Variants in TFEB observed in about 807,000 individuals in gnomAD.
TFEB encodes the protein T-cell transcription factor EB.
A neutral mutation model predicts 48.0 loss-of-function variants in TFEB; 12 were observed. The observed-to-expected ratio is 0.25, with a 90% CI of 0.16 to 0.40. The LOEUF (loss-of-function observed/expected upper bound fraction) is 0.40, where lower values mean the gene tolerates loss of function less well. Among genes scored for constraint, TFEB ranks in the 10% least tolerant of loss-of-function variants. The pLI is 1.00. For missense variants in TFEB, 509 were observed against 640.3 expected, an observed-to-expected ratio of 0.79 and a Z score of 2.21; for synonymous variants, 244 against 261.4, an observed-to-expected ratio of 0.93 and a Z score of 0.64.
At chr6:41,692,979 C>T (rs932631497) in intron 1 of TFEB, among the ~76,000 whole-genome samples, 2 of 152,312 alleles carry the variant, frequency 1.3e-5, no homozygotes, top group Middle Eastern at 3.4e-3. Context: ...CATTAGTAAA[C>T]GGTCTCTGCT....
chr6:41,688,301 A>G (rs868124664), intron 4 of TFEB: 2 of 398,430 alleles, frequency 5.0e-6, no homozygotes, highest in Non-Finnish European at 9.1e-6. Flanking sequence ...CCCAGGCATT[A>G]TGGAAGCCCT....
chr6:41,709,915 T>C (rs1770407746), intron 1 of TFEB, among the ~76,000 whole-genome samples: 1 of 152,132 alleles, frequency 6.6e-6, no homozygotes, highest in Non-Finnish European at 1.5e-5. Context: ...GCCTCCCAAG[T>C]AGTTGAGACC....
chr6:41,723,444 C>T lies in TFEB; in HGVS notation c.-23+11906G>A, dbSNP rs56317951. On this transcript the variant is annotated intron_variant, in intron 1 of 8. Transcript: ENST00000373033. The surrounding 1 kb of genome is among the most constrained non-coding windows in gnomAD (Gnocchi z 6.0). ...ACATGCACACACTCACACACATGCA[C>T]GCGTGTGCTCTCATACCTTCGAGAG... 299 of 1,250,078 alleles carry T rather than the reference C, an allele frequency of 2.4e-4. 2 individuals carry two copies. In the African/African-American group the frequency reaches 4.0e-3, roughly 17 times the overall value. 77.4% of individuals were successfully genotyped at this position (1,250,078 alleles called of 1,614,324 possible). A position where few individuals can be genotyped will look rare whatever the true frequency, so the allele number is the denominator to read the frequency against.
intron 1 of TFEB, among the ~76,000 whole-genome samples, chr6:41,699,410 GCAGCCTAGTGGTAACCC>G (rs1403648903): frequency 6.6e-6 from 1 of 152,244 alleles, no homozygotes. Context: ...CTGGGGCAGA[GCAGCCTAGTGGTAACCC>G]CAGCTTCAGT....
At chr6:41,690,570 C>G in intron 3 of TFEB, 93 bp downstream of exon 3, 1 of 1,384,898 alleles carries the variant, frequency 7.2e-7, no homozygotes. Flanking sequence ...CTGAAGGCAC[C>G]CCTGCCTCTG....
chr6:41,704,058 G>A (rs897842428), intron 1 of TFEB, among the ~76,000 whole-genome samples: 11 of 152,092 alleles, frequency 7.2e-5, no homozygotes, highest in Admixed American at 7.2e-4. Flanking sequence ...AAGCAGGTGG[G>A]TGCAGGACAC....
intron 1 of TFEB, among the ~76,000 whole-genome samples, chr6:41,694,350 T>C (rs992769213): frequency 6.6e-6 from 1 of 152,124 alleles, no homozygotes; most frequent in African/African-American, 2.4e-5. Context: ...CATCAGTGGG[T>C]GTCAGTAGCC....
intron 1 of TFEB, among the ~76,000 whole-genome samples, chr6:41,708,707 G>A (rs557716188): frequency 1.3e-5 from 2 of 152,340 alleles, no homozygotes; most frequent in African/African-American, 4.8e-5. Flanking sequence ...TGGGCCCTGA[G>A]GAGGCAGTTA....
intron 4 of TFEB, among the ~76,000 whole-genome samples, chr6:41,688,525 C>G (rs921547656): frequency 1.3e-5 from 2 of 151,970 alleles, no homozygotes; most frequent in African/African-American, 4.8e-5. Context: ...ATCTGGATCC[C>G]CAGTACAGTG....
Position 41,723,520 on chromosome 6 carries a change from G to A in TFEB, c.-23+11830C>T, listed in dbSNP as rs552836430. 2,438 of 1,288,114 alleles carry A rather than the reference G, an allele frequency of 1.9e-3. 7 individuals are homozygous for A. Among genetic ancestry groups the A allele is most frequent in the Non-Finnish European group, 2.1e-3 (2,058 of 988,300 alleles). 79.8% of individuals were successfully genotyped at this position (1,288,114 alleles called of 1,614,324 possible). On this transcript the variant is annotated intron_variant, in intron 1 of 8. Transcript: ENST00000373033. This position sits in a 1 kb window ranked among gnomAD's most constrained non-coding sequence, Gnocchi z 6.0. Reference sequence around the variant, plus strand: ...GGAATGCTCAGCTCCTCCAGGGGCCGGAGCCCAGGGCCGCACCCCAGCCCC... The same window carrying A: ...GGAATGCTCAGCTCCTCCAGGGGCCAGAGCCCAGGGCCGCACCCCAGCCCC...
intron 1 of TFEB, among the ~76,000 whole-genome samples, chr6:41,729,094 G>A (rs1178173291): frequency 6.6e-6 from 1 of 151,978 alleles, no homozygotes; most frequent in Middle Eastern, 3.4e-3. Context: ...CCCACTCCCG[G>A]CCCCGCCTCG....
chr6:41,714,657 C>T (rs1770653881), intron 1 of TFEB, among the ~76,000 whole-genome samples: 1 of 152,222 alleles, frequency 6.6e-6, no homozygotes, highest in East Asian at 1.9e-4. Flanking sequence ...GACACTGCTT[C>T]TGAGACGGAC....
chr6:41,723,640 G>C lies in TFEB; in HGVS notation c.-23+11710C>G. ...GGAGAGGAAGTTGCACAATCCCCTG[G>C]GAGCTGCAAATGCGGCCGAGGATTA... On this transcript the variant is annotated intron_variant, in intron 1 of 8. Transcript: ENST00000373033. This position sits in a 1 kb window ranked among gnomAD's most constrained non-coding sequence, Gnocchi z 6.0. The C allele has an allele frequency of 1.1e-6, 1 of 938,446 alleles. No individual in the cohort carries two copies. The highest frequency in any genetic ancestry group is 1.6e-5 in the South Asian group (1 of 61,782). 58.1% of individuals were successfully genotyped at this position (938,446 alleles called of 1,614,324 possible). A position where few individuals can be genotyped will look rare whatever the true frequency, so the allele number is the denominator to read the frequency against.
At chr6:41,718,470 A>G (rs1770833581) in intron 1 of TFEB, among the ~76,000 whole-genome samples, 2 of 152,026 alleles carry the variant, frequency 1.3e-5, no homozygotes, top group African/African-American at 4.8e-5. Flanking sequence ...CAGTCTCCCA[A>G]AGTGTTGGTA....
intron 1 of TFEB, among the ~76,000 whole-genome samples, chr6:41,708,796 A>G (rs1457664964): frequency 6.6e-6 from 1 of 152,134 alleles, no homozygotes. Flanking sequence ...AAGCTAGCCC[A>G]CCCTACAGGG....
At chr6:41,689,970 G>C (rs145155175) in intron 3 of TFEB, among the ~76,000 whole-genome samples, 159 bp from the exon 4 acceptor site, 56 of 152,224 alleles carry the variant, frequency 3.7e-4, no homozygotes, top group African/African-American at 1.2e-3. Context: ...GAGATGAGCT[G>C]TCCAGGTCCC....
intron 1 of TFEB, among the ~76,000 whole-genome samples, chr6:41,705,044 T>C (rs946623312): frequency 7.2e-5 from 11 of 152,202 alleles, no homozygotes; most frequent in African/African-American, 1.9e-4. Context: ...AAACACCACC[T>C]CTCACACATA....
chr6:41,694,494 G>T (rs759032103), intron 1 of TFEB, among the ~76,000 whole-genome samples: 9 of 152,036 alleles, frequency 5.9e-5, no homozygotes, highest in African/African-American at 1.9e-4. Context: ...CGCCAGCCTG[G>T]GTTGCTGAGT....
chr6:41,685,663 C>A (rs1768961546), intron 8 of TFEB, among the ~76,000 whole-genome samples: 1 of 152,186 alleles, frequency 6.6e-6, no homozygotes, highest in African/African-American at 2.4e-5. Flanking sequence ...GTGCCACCCA[C>A]CAAATGATTC....
Sources: gnomAD v4.1 joint callset for allele counts (sites outside exome capture counted in the v4.1 genomes callset) on GRCh38, gnomAD v4.1.1 for gene constraint, Gnocchi (gnomAD v3.1) non-coding constraint, MANE v1.5 for transcripts, NCBI Gene and HGNC (gene_info 2026-07-23, HGNC 2026-07-21) for gene names.